ASIC2: variants seen among roughly 807,000 people sequenced by gnomAD.
ASIC2 encodes the protein acid sensing ion channel subunit 2.
A neutral mutation model predicts 57.3 loss-of-function variants in ASIC2; 25 were observed. The observed-to-expected ratio is 0.44, with a 90% confidence interval of 0.32 to 0.61. The LOEUF (loss-of-function observed/expected upper bound fraction) is 0.61, where lower values mean the gene tolerates loss of function less well. Ranked by LOEUF, ASIC2 falls within the 20% of genes least tolerant of loss-of-function variation. The pLI, the probability that ASIC2 is intolerant of heterozygous loss-of-function variation, is 0.06. For synonymous variants in ASIC2, 319 were observed against 307.5 expected, an observed-to-expected ratio of 1.04 and a Z score of -0.39; for missense variants, 641 against 738.1, an observed-to-expected ratio of 0.87 and a Z score of 1.52.
intron 1 of ASIC2, among the ~76,000 whole-genome samples, chr17:33,200,096 G>A (rs1221920975): frequency 6.6e-6 from 1 of 152,030 alleles, no homozygotes; most frequent in African/African-American, 2.4e-5. Flanking sequence ...TTACCCTTAG[G>A]GGAAGCTGAG....
At chr17:33,644,593 A>C (rs965126009) in intron 1 of ASIC2, among the ~76,000 whole-genome samples, 1 of 152,252 alleles carries the variant, frequency 6.6e-6, no homozygotes, top group Admixed American at 6.5e-5. Flanking sequence ...GATTACATGA[A>C]TTAACCCTCA....
At chr17:34,027,436 C>CTT (rs1338772586) in intron 1 of ASIC2, among the ~76,000 whole-genome samples, 8 of 152,206 alleles carry the variant, frequency 5.3e-5, no homozygotes, top group African/African-American at 1.9e-4. Flanking sequence ...ATGCTGCCCC[C>CTT]CTATAACCAT....
chr17:33,557,351 T>TATTC (rs1388691525), intron 1 of ASIC2, among the ~76,000 whole-genome samples: 1 of 152,204 alleles, frequency 6.6e-6, no homozygotes, highest in African/African-American at 2.4e-5. Flanking sequence ...GAAATAATTG[T>TATTC]ATTCATTCAT....
intron 1 of ASIC2, among the ~76,000 whole-genome samples, chr17:33,879,433 AC>A (rs1352269955): frequency 1.3e-5 from 2 of 152,220 alleles, no homozygotes; most frequent in South Asian, 2.1e-4. Context: ...CAAATGGAAA[AC>A]AAAAGGCAGG....
chr17:33,774,528 T>A (rs146392127), intron 1 of ASIC2, among the ~76,000 whole-genome samples: 230 of 152,318 alleles, frequency 1.5e-3, no homozygotes, highest in African/African-American at 5.1e-3. Context: ...CCATCTCTAT[T>A]TTTAAGCAAG....
In ASIC2 at chr17:33,331,699, T is replaced by C. The variant is rs8182327; in HGVS notation, c.556-219632A>G. On this transcript the variant is annotated intron_variant, in intron 1 of 9. Transcript: ENST00000359872. ...TAAAAAGAGTAGCTAATATTTATTA[T>C]GCATTTCTATATACCTGATAGTGTG... Among the ~76,000 whole-genome samples the C allele has an allele frequency of 1.4e-3, 214 of 152,346 alleles. 2 individuals are homozygous for C. The East Asian group carries it at 0.037, about 27-fold the overall frequency.
At chr17:33,805,234 G>A (rs925824788) in intron 1 of ASIC2, among the ~76,000 whole-genome samples, 1 of 152,164 alleles carries the variant, frequency 6.6e-6, no homozygotes, top group African/African-American at 2.4e-5. Context: ...TTTCTGGACT[G>A]TGATTTTGAC....
At chr17:33,628,818 T>G (rs951163330) in intron 1 of ASIC2, among the ~76,000 whole-genome samples, 11 of 152,174 alleles carry the variant, frequency 7.2e-5, no homozygotes, top group African/African-American at 2.2e-4. Flanking sequence ...ATTAAGGAAT[T>G]TATCAATGCC....
intron 1 of ASIC2, among the ~76,000 whole-genome samples, chr17:34,125,703 G>A (rs531387802): frequency 6.6e-6 from 1 of 152,296 alleles, no homozygotes; most frequent in East Asian, 1.9e-4. Context: ...GGAAGTTGAG[G>A]TGTAACATGA....
intron 1 of ASIC2, among the ~76,000 whole-genome samples, chr17:33,149,957 T>A (rs947474858): frequency 3.3e-5 from 5 of 152,188 alleles, no homozygotes; most frequent in African/African-American, 1.2e-4. Flanking sequence ...AGATAATTCA[T>A]GAGGTTCATA....
intron 1 of ASIC2, among the ~76,000 whole-genome samples, chr17:34,151,790 A>G (rs540320318): frequency 6.6e-6 from 1 of 152,164 alleles, no homozygotes; most frequent in African/African-American, 2.4e-5. Flanking sequence ...CAAGAGGCCT[A>G]CCCTGCTCTA....
intron 1 of ASIC2, among the ~76,000 whole-genome samples, chr17:33,579,444 G>C (rs979856235): frequency 6.6e-6 from 1 of 151,968 alleles, no homozygotes; most frequent in Non-Finnish European, 1.5e-5. Flanking sequence ...AGGGCTGCGG[G>C]GTACCCATCC....
intron 1 of ASIC2, among the ~76,000 whole-genome samples, chr17:33,520,495 G>A (rs914871613): frequency 6.6e-6 from 1 of 152,236 alleles, no homozygotes; most frequent in Non-Finnish European, 1.5e-5. Context: ...TGGAAGGATA[G>A]TTTGGTGAAT....
At chr17:33,801,398 T>C (rs1597881922) in intron 1 of ASIC2, among the ~76,000 whole-genome samples, 1 of 152,286 alleles carries the variant, frequency 6.6e-6, no homozygotes, top group African/African-American at 2.4e-5. Flanking sequence ...CTAAATACCC[T>C]GCTTGATTGT....
At chr17:33,232,393 A>AT (rs1908126387) in intron 1 of ASIC2, among the ~76,000 whole-genome samples, 1 of 149,346 alleles carries the variant, frequency 6.7e-6, no homozygotes, top group South Asian at 2.1e-4. Context: ...ATGGCAGCCT[A>AT]GGTATGGTAT....
intron 1 of ASIC2, among the ~76,000 whole-genome samples, chr17:33,872,497 A>G (rs1914443917): frequency 6.6e-6 from 1 of 152,172 alleles, no homozygotes; most frequent in African/African-American, 2.4e-5. Context: ...GAGAGCTCAG[A>G]CACCTATTCT....
At chr17:33,957,534 C>T (rs1904774840) in intron 1 of ASIC2, among the ~76,000 whole-genome samples, 1 of 152,122 alleles carries the variant, frequency 6.6e-6, no homozygotes, top group East Asian at 1.9e-4. Context: ...TGGCAGCAGG[C>T]AAGAGAGTGT....
chr17:33,475,653 G>C (rs1042566708), intron 1 of ASIC2, among the ~76,000 whole-genome samples: 2 of 152,186 alleles, frequency 1.3e-5, no homozygotes, highest in Admixed American at 6.5e-5. Flanking sequence ...AATTTCATAA[G>C]AACCCAAAAT....
intron 1 of ASIC2, among the ~76,000 whole-genome samples, chr17:33,150,161 T>G (rs893517542): frequency 2.0e-5 from 3 of 152,266 alleles, no homozygotes; most frequent in Admixed American, 6.5e-5. Flanking sequence ...TGTAATTCCA[T>G]GCACACCTTA....
Sources: allele counts gnomAD v4.1 joint callset (sites outside exome capture counted in the v4.1 genomes callset), GRCh38; gene constraint gnomAD v4.1.1; transcripts MANE v1.5; gene names NCBI Gene and HGNC (gene_info 2026-07-23, HGNC 2026-07-21).